The following STK3 variants were observed in gnomAD, a reference collection of about 807,000 sequenced individuals.
STK3 encodes the protein serine/threonine kinase 3, also known as serine/threonine-protein kinase 3.
A neutral mutation model predicts 58.0 loss-of-function variants in STK3; 41 were observed. The ratio of observed to expected loss-of-function variants is 0.71; its 90% CI spans 0.55 to 0.92. STK3 has a LOEUF of 0.92. Ranked by LOEUF, STK3 falls within the 40% of genes least tolerant of loss-of-function variation. The pLI is 0.00. For missense variants in STK3, 479 were observed against 602.7 expected (o/e 0.79, Z 2.15); for synonymous variants, 170 against 191.0 (o/e 0.89, Z 0.91).
chr8:98,898,236 C>T lies in STK3; in HGVS notation c.-78-14402G>A, dbSNP rs144480439. 4.1e-3 allele frequency among the ~76,000 whole-genome samples: 620 copies of T among 152,340 alleles called. 4 individuals carry two copies. The highest frequency in any genetic ancestry group is 0.014 in the African/African-American group (590 of 41,580). ...GGAGAACTGGCACAACATTTCCTGCCATGGAGTGTGACTACCCTTCTCTGT... is the reference window on the plus strand; with the variant it reads ...GGAGAACTGGCACAACATTTCCTGCTATGGAGTGTGACTACCCTTCTCTGT... On this transcript the variant is annotated intron_variant, in intron 1 of 1. Coordinates refer to the STK3 transcript ENST00000519420.
intron 6 of STK3, among the ~76,000 whole-genome samples, chr8:98,608,674 T>C (rs1478173710): frequency 6.6e-6 from 1 of 152,224 alleles, no homozygotes; most frequent in Non-Finnish European, 1.5e-5. Context: ...GTCTCCATTC[T>C]GTCCAAGAGG....
chr8:98,679,864 T>C (rs1353608271), intron 6 of STK3, among the ~76,000 whole-genome samples: 1 of 152,194 alleles, frequency 6.6e-6, no homozygotes, highest in Non-Finnish European at 1.5e-5. Flanking sequence ...TAGTAAACAA[T>C]AATGTAGACA....
chr8:98,911,374 ATATTG>A (rs1001435537), intron 1 of STK3, among the ~76,000 whole-genome samples: 16 of 151,748 alleles, frequency 1.1e-4, no homozygotes, highest in African/African-American at 3.6e-4. Flanking sequence ...ACTCATATAA[ATATTG>A]TATTGTATTT....
intron 7 of STK3, among the ~76,000 whole-genome samples, chr8:98,586,200 T>G (rs1463236694): frequency 6.6e-6 from 1 of 151,630 alleles, no homozygotes; most frequent in Non-Finnish European, 1.5e-5. Context: ...TGCTTCCAGT[T>G]TTTGCCCATT....
downstream of STK3, chr8:98,883,625 C>A (rs1337270089): frequency 4.3e-6 from 3 of 702,590 alleles, no homozygotes; most frequent in African/African-American, 5.2e-5. Flanking sequence ...TGAGGAGGGA[C>A]TGCAACCAGG....
intron 6 of STK3, chr8:98,597,945 G>A (rs1202474512): frequency 1.0e-6 from 1 of 985,254 alleles, no homozygotes; most frequent in Non-Finnish European, 1.2e-6. Flanking sequence ...ACCTAATAAG[G>A]CTTTAAAAAA....
chr8:98,825,467 G>A, intron 1 of STK3, 48 bp downstream of exon 1: 1 of 1,419,132 alleles, frequency 7.0e-7, no homozygotes, highest in Admixed American at 2.6e-5. Flanking sequence ...CCCGCCCCGC[G>A]GCCGCCGGCG....
intron 4 of STK3, among the ~76,000 whole-genome samples, chr8:98,724,090 ATTTTG>A (rs1403846112): frequency 6.6e-6 from 1 of 152,176 alleles, no homozygotes; most frequent in Non-Finnish European, 1.5e-5. Flanking sequence ...GACACTCAGA[ATTTTG>A]TGGGAAGGGA....
Position 98,428,736 on chromosome 8 carries a change from C to G in STK3, n.483+5391G>C, listed in dbSNP as rs751710987. On this transcript the variant is annotated intron_variant and non_coding_transcript_variant, in intron 3 of 3. Coordinates refer to the STK3 transcript ENST00000517832. The surrounding 1 kb of genome is among the most constrained non-coding windows in gnomAD (Gnocchi z 6.7). ...CAGGTTTGCTGTGGCCCCTGACTTC[C>G]TCAAGTTCTTCAAGAATGCCCTAAA... 3.5e-5 allele frequency: 57 copies of G among 1,614,100 alleles called. No homozygotes were observed. The South Asian group carries it at 5.7e-4, about 16-fold the overall frequency.
chr8:98,492,338 G>A (rs1166201304), intron 10 of STK3, among the ~76,000 whole-genome samples: 1 of 152,156 alleles, frequency 6.6e-6, no homozygotes, highest in Admixed American at 6.6e-5. Flanking sequence ...TGGGCAGGCA[G>A]GATTTAAAGA....
intron 10 of STK3, among the ~76,000 whole-genome samples, chr8:98,467,696 G>T (rs983540267): frequency 6.6e-6 from 1 of 151,980 alleles, no homozygotes; most frequent in Non-Finnish European, 1.5e-5. Context: ...TCCACTACAT[G>T]TTTATTCTGC....
intron 2 of STK3, 30 bp from the exon 3 acceptor site, chr8:98,767,401 C>G (rs746714002): frequency 1.7e-5 from 27 of 1,555,100 alleles, no homozygotes; most frequent in Non-Finnish European, 2.2e-5. Context: ...TATTTTTTTC[C>G]TATCAAACAT....
chr8:98,353,603 CA>C, the STK3 span, among the ~76,000 whole-genome samples: 6 of 152,102 alleles, frequency 3.9e-5, no homozygotes, highest in Non-Finnish European at 8.8e-5. Flanking sequence ...TTTCAAAATC[CA>C]AAAAACTTTG....
At chr8:98,416,271 C>T (rs17370425) in intron 3 of STK3, among the ~76,000 whole-genome samples, 13,401 of 151,612 alleles carry the variant, frequency 0.088, 771 homozygotes, top group Non-Finnish European at 0.12. Context: ...AAGACTCTAG[C>T]TTTGACATCT....
chr8:98,700,456 G>A (rs1375651209), intron 6 of STK3, among the ~76,000 whole-genome samples: 16 of 152,148 alleles, frequency 1.1e-4, no homozygotes, highest in South Asian at 2.1e-4. Flanking sequence ...CGTCTTCTGC[G>A]TCGCTCACGC....
At chr8:98,477,392 A>G (rs1013209060) in intron 10 of STK3, among the ~76,000 whole-genome samples, 3 of 151,970 alleles carry the variant, frequency 2.0e-5, no homozygotes, top group Admixed American at 6.6e-5. Context: ...GTAAAGGTAC[A>G]ATTTCACCTC....
At chr8:98,663,449 G>A in intron 6 of STK3, among the ~76,000 whole-genome samples, 1 of 152,188 alleles carries the variant, frequency 6.6e-6, no homozygotes, top group East Asian at 1.9e-4. Context: ...CAACCACTGT[G>A]GAAGTCAGTG....
chr8:98,871,273 A>C (rs1837368982), intron 3 of STK3, among the ~76,000 whole-genome samples: 1 of 152,186 alleles, frequency 6.6e-6, no homozygotes, highest in African/African-American at 2.4e-5. Context: ...GAGGTCAGGA[A>C]GTGTGATGCC....
chr8:98,815,551 T>C (rs1344892862), intron 1 of STK3, among the ~76,000 whole-genome samples: 1 of 152,158 alleles, frequency 6.6e-6, no homozygotes, highest in Non-Finnish European at 1.5e-5. Flanking sequence ...ACTAGGGTCA[T>C]GTTATCTCCT....
Sources: gnomAD v4.1 joint callset for allele counts (sites outside exome capture counted in the v4.1 genomes callset) on GRCh38, gnomAD v4.1.1 for gene constraint, Gnocchi (gnomAD v3.1) non-coding constraint, MANE v1.5 for transcripts, NCBI Gene and HGNC (gene_info 2026-07-23, HGNC 2026-07-21) for gene names.